Variants in FRMD4A observed in about 807,000 individuals in gnomAD.
FRMD4A encodes FERM domain containing 4A, also known as FERM domain-containing protein 4A.
In FRMD4A, 29 loss-of-function variants were observed where a neutral mutation model predicts 129.1. The ratio of observed to expected loss-of-function variants is 0.22; its 90% CI spans 0.17 to 0.31. The LOEUF (loss-of-function observed/expected upper bound fraction) is 0.31, where lower values mean the gene tolerates loss of function less well. Among genes scored for constraint, FRMD4A ranks in the 10% least tolerant of loss-of-function variants. The pLI is 1.00. For synonymous variants in FRMD4A, 634 were observed against 571.6 expected (o/e 1.11, Z -1.56); for missense variants, 1,272 against 1,375.8 (o/e 0.92, Z 1.19).
chr10:14,178,021 T>C (rs904866766), intron 2 of FRMD4A, among the ~76,000 whole-genome samples: 3 of 152,172 alleles, frequency 2.0e-5, no homozygotes, highest in Non-Finnish European at 4.4e-5. Flanking sequence ...CTGGGCTAAG[T>C]GATTTCATGC....
At chr10:14,108,555 C>G (rs1009769779) in intron 2 of FRMD4A, among the ~76,000 whole-genome samples, 4 of 152,170 alleles carry the variant, frequency 2.6e-5, no homozygotes, top group African/African-American at 9.6e-5. Flanking sequence ...AATGAGAATT[C>G]TGTACCAACA....
At chr10:13,817,018 A>G (rs1257495832) in intron 3 of FRMD4A, among the ~76,000 whole-genome samples, 7 of 152,112 alleles carry the variant, frequency 4.6e-5, no homozygotes, top group South Asian at 2.1e-4. Flanking sequence ...TTCTTTTTGT[A>G]TCTCAAAATC....
chr10:13,978,682 T>G lies in FRMD4A; in HGVS notation c.46-119770A>C, dbSNP rs1016178761. On this transcript the variant is annotated intron_variant, in intron 2 of 24. Coordinates refer to ENST00000357447, the MANE Select transcript of FRMD4A (RefSeq NM_018027.5). ...TCCCAGCTCCAACCAAGAGTCATCA[T>G]GGCATCATCGTTTCTCAACCTGAGA... is the stretch of plus-strand genomic sequence containing the variant. Among the ~76,000 whole-genome samples, 24 of 152,334 alleles carry G rather than the reference T, an allele frequency of 1.6e-4. No individual in the cohort carries two copies. The Middle Eastern group carries it at 0.01, about 65-fold the overall frequency.
chr10:13,881,990 GGTGT>G (rs71388128), intron 2 of FRMD4A, among the ~76,000 whole-genome samples: 840 of 15,526 alleles, frequency 0.054, 6 homozygotes, highest in East Asian at 0.077. Context: ...GAGAGGCAAG[GGTGT>G]GTGTGTGTGT....
intron 2 of FRMD4A, among the ~76,000 whole-genome samples, chr10:14,120,877 C>G (rs1838471638): frequency 6.6e-6 from 1 of 152,238 alleles, no homozygotes; most frequent in Non-Finnish European, 1.5e-5. Context: ...TGTCCCTTCA[C>G]ATGGCACTGA....
intron 22 of FRMD4A, chr10:13,655,904 CTGT>C (rs1425866298): frequency 6.6e-6 from 1 of 152,054 alleles, no homozygotes; most frequent in Non-Finnish European, 1.5e-5. Context: ...GTCATTGTCA[CTGT>C]TATTAAATGT....
At chr10:13,943,675 A>AAAAAAAAAAAAAAAAAAAAAG in intron 2 of FRMD4A, among the ~76,000 whole-genome samples, 1 of 123,682 alleles carries the variant, frequency 8.1e-6, no homozygotes, top group Non-Finnish European at 1.8e-5. Flanking sequence ...AAAAAAAAAA[A>AAAAAAAAAAAAAAAAAAAAAG]AAAAGAAAAA....
At position 13,968,018 on chromosome 10, in the gene FRMD4A, G is replaced by A. The variant is rs1038222384; in HGVS notation, c.46-109106C>T. The stretch of plus-strand genomic sequence containing the variant: ...CATGATTACACCACTGCACTTCAGC[G>A]GGGGCGCTTAAGACATTTTATACAT... On this transcript the variant is annotated intron_variant, in intron 2 of 24. Coordinates refer to ENST00000357447, the MANE Select transcript of FRMD4A (RefSeq NM_018027.5). 1.6e-4 allele frequency among the ~76,000 whole-genome samples: 25 copies of A among 152,254 alleles called. 1 individual carries two copies. In the Middle Eastern group the frequency reaches 0.01, roughly 62 times the overall value.
rs146655873 is a variant in FRMD4A at position 14,325,811 on chromosome 10, T to C, written c.45+4247A>G. Among the ~76,000 whole-genome samples the C allele has an allele frequency of 1.1e-4, 17 of 152,246 alleles. No individual in the cohort carries two copies. In the East Asian group the frequency reaches 1.7e-3, roughly 16 times the overall value. On this transcript the variant is annotated intron_variant, in intron 2 of 24. Coordinates refer to ENST00000357447, the MANE Select transcript of FRMD4A (RefSeq NM_018027.5). ...GCTTAGAAAAGAATTTATAAAGAAA[T>C]GAAATGAGGGAGATAAACTCATAGA...
chr10:13,794,391 CAAAAA>C lies in FRMD4A; in HGVS notation c.299+2100_299+2104del, dbSNP rs5783349. On this transcript the variant is annotated intron_variant, in intron 5 of 24. Coordinates refer to ENST00000357447, the MANE Select transcript of FRMD4A (RefSeq NM_018027.5). ...TGGGTGCCAGAGCGAGAATCCGTCT[CAAAAA>C]AAAAAAAAAAAAAAAATTAAAAAAT... Among the ~76,000 whole-genome samples, 934 of 102,928 alleles carry C rather than the reference CAAAAA, an allele frequency of 9.1e-3. 12 individuals carry two copies. Among genetic ancestry groups the C allele is most frequent in the African/African-American group, 0.033 (872 of 26,328 alleles). 67.5% of individuals were successfully genotyped at this position (102,928 alleles called of 152,430 possible). A position where few individuals can be genotyped will look rare whatever the true frequency, so the allele number is the denominator to read the frequency against.
chr10:13,651,875 A>C (rs758135929), intron 24 of FRMD4A, 28 bp downstream of exon 24: 3 of 1,112,166 alleles, frequency 2.7e-6, no homozygotes, highest in Non-Finnish European at 2.8e-6. Context: ...ACTCATGGGC[A>C]GTAGGAACAA....
intron 2 of FRMD4A, among the ~76,000 whole-genome samples, chr10:13,884,381 G>C (rs4750435): frequency 0.034 from 5,237 of 152,232 alleles, 160 homozygotes; most frequent in South Asian, 0.18. Flanking sequence ...ATGGGAAGTA[G>C]ACAAAGAACA....
rs565002608 is a variant in FRMD4A at position 13,867,623 on chromosome 10, G to A, written c.46-8711C>T. ...TATTATATATTATTATAATGTATAT[G>A]ATATAATTATGATATATAATACATA... On this transcript the variant is annotated intron_variant, in intron 2 of 24. Transcript: ENST00000357447. Among the ~76,000 whole-genome samples, 1,051 of 131,438 alleles carry A rather than the reference G, an allele frequency of 8.0e-3. 47 individuals carry two copies. The highest frequency in any genetic ancestry group is 0.055 in the East Asian group (276 of 4,984). The allele number at this position is 131,438 out of a possible 152,430, so 86.2% of individuals were successfully genotyped here.
chr10:14,181,499 C>G (rs952945132), intron 2 of FRMD4A, among the ~76,000 whole-genome samples: 4 of 152,124 alleles, frequency 2.6e-5, no homozygotes, highest in African/African-American at 9.7e-5. Flanking sequence ...GTTGGATGTT[C>G]CTGCAAAGTT....
chr10:13,891,604 G>C, intron 2 of FRMD4A: 2 of 985,300 alleles, frequency 2.0e-6, no homozygotes, highest in Non-Finnish European at 2.4e-6. Flanking sequence ...CACCGCGACC[G>C]GGAAACAAAG....
chr10:13,811,650 A>G (rs948693590), intron 3 of FRMD4A, among the ~76,000 whole-genome samples: 10 of 151,590 alleles, frequency 6.6e-5, no homozygotes, highest in South Asian at 4.2e-4. Context: ...AGATGTTTGT[A>G]TTGTTAACAT....
intron 2 of FRMD4A, among the ~76,000 whole-genome samples, chr10:13,932,685 C>T (rs1403080614): frequency 6.6e-6 from 1 of 152,160 alleles, no homozygotes; most frequent in Non-Finnish European, 1.5e-5. Context: ...ATAGTAACAA[C>T]ACCCATAAAA....
At chr10:13,925,062 T>TAAAAAAAAAAAAAAAA (rs57484737) in intron 2 of FRMD4A, among the ~76,000 whole-genome samples, 3 of 103,236 alleles carry the variant, frequency 2.9e-5, no homozygotes, top group African/African-American at 1.1e-4. Flanking sequence ...AGACTCCGTG[T>TAAAAAAAAAAAAAAAA]AAAAAAAAAA....
chr10:14,160,041 C>T (rs1032359894), intron 2 of FRMD4A, among the ~76,000 whole-genome samples: 1 of 152,092 alleles, frequency 6.6e-6, no homozygotes, highest in Non-Finnish European at 1.5e-5. Context: ...CAGAGCAAGA[C>T]TCCGTCTCCA....
Sources: gnomAD v4.1 joint callset for allele counts (sites outside exome capture counted in the v4.1 genomes callset) on GRCh38, gnomAD v4.1.1 for gene constraint, MANE v1.5 for transcripts, NCBI Gene and HGNC (gene_info 2026-07-23, HGNC 2026-07-21) for gene names.